Variants in MAF observed in about 807,000 individuals in gnomAD.
MAF encodes transcription factor Maf.
In MAF, 10 loss-of-function variants were observed where a neutral mutation model predicts 22.0. The ratio of observed to expected loss-of-function variants is 0.45; its 90% confidence interval spans 0.28 to 0.77. The LOEUF (loss-of-function observed/expected upper bound fraction) is 0.77. Among genes scored for constraint, MAF ranks in the 30% least tolerant of loss-of-function variants. MAF has a pLI of 0.12. For missense variants in MAF, 544 were observed against 548.4 expected (o/e 0.99, Z 0.08); for synonymous variants, 337 against 255.8 (o/e 1.32, Z -3.03).
chr16:79,229,731 G>A, the MAF span, among the ~76,000 whole-genome samples: 3 of 152,022 alleles, frequency 2.0e-5, no homozygotes, highest in Admixed American at 6.6e-5. Flanking sequence ...ACCGAGCAAA[G>A]CGCCTGCTGA....
At chr16:79,474,371 A>G in the MAF span, among the ~76,000 whole-genome samples, 7 of 152,192 alleles carry the variant, frequency 4.6e-5, no homozygotes, top group African/African-American at 1.7e-4. Flanking sequence ...GAATCCACAT[A>G]TTTCTATCCC....
the MAF span, among the ~76,000 whole-genome samples, chr16:79,281,676 G>C: frequency 1.3e-5 from 2 of 151,422 alleles, no homozygotes; most frequent in East Asian, 2.0e-4. Context: ...AGCCTCCTCA[G>C]TAGCTGGGAC....
the MAF span, among the ~76,000 whole-genome samples, chr16:79,564,882 C>T: frequency 6.6e-6 from 1 of 152,168 alleles, no homozygotes; most frequent in Non-Finnish European, 1.5e-5. Context: ...GCAAAACATT[C>T]CTTGCTCTTA....
At chr16:79,549,033 T>C in the MAF span, among the ~76,000 whole-genome samples, 1 of 152,318 alleles carries the variant, frequency 6.6e-6, no homozygotes, top group South Asian at 2.1e-4. Context: ...AGACAAACAC[T>C]GTTCCAGCCT....
the MAF span, among the ~76,000 whole-genome samples, chr16:79,518,085 G>A: frequency 6.6e-6 from 1 of 152,192 alleles, no homozygotes; most frequent in Admixed American, 6.5e-5. Flanking sequence ...AACCTTTGTA[G>A]ACATTAGTTT....
At chr16:79,564,121 G>A in the MAF span, among the ~76,000 whole-genome samples, 2 of 152,184 alleles carry the variant, frequency 1.3e-5, no homozygotes, top group African/African-American at 2.4e-5. Context: ...GCCCCTTCAG[G>A]CCTCCTGGGA....
At chr16:79,233,011 T>G in the MAF span, among the ~76,000 whole-genome samples, 1 of 151,604 alleles carries the variant, frequency 6.6e-6, no homozygotes, top group South Asian at 2.1e-4. Context: ...CGGCTAATGT[T>G]TTGTATTTTT....
the MAF span, among the ~76,000 whole-genome samples, chr16:79,349,712 ACT>A: frequency 6.6e-6 from 1 of 151,124 alleles, no homozygotes; most frequent in Non-Finnish European, 1.5e-5. Flanking sequence ...TCAGTTTAAA[ACT>A]CTCTCTTGCT....
chr16:79,228,246 A>G, the MAF span, among the ~76,000 whole-genome samples: 1 of 152,066 alleles, frequency 6.6e-6, no homozygotes, highest in Non-Finnish European at 1.5e-5. Context: ...TGACTTGTGT[A>G]ACAACTATTT....
chr16:79,386,700 A>T, the MAF span, among the ~76,000 whole-genome samples: 1 of 152,282 alleles, frequency 6.6e-6, no homozygotes, highest in Non-Finnish European at 1.5e-5. Context: ...TAGGGATAGG[A>T]AACAAAATGG....
At chr16:79,459,818 C>T in the MAF span, among the ~76,000 whole-genome samples, 1 of 152,142 alleles carries the variant, frequency 6.6e-6, no homozygotes, top group South Asian at 2.1e-4. Flanking sequence ...CCTGCCTTGG[C>T]CTCTTAACAT....
chr16:79,323,986 G>C, the MAF span, among the ~76,000 whole-genome samples: 1 of 152,136 alleles, frequency 6.6e-6, no homozygotes, highest in African/African-American at 2.4e-5. Context: ...CAGAGCGTAT[G>C]CATCTTCACA....
chr16:79,283,481 T>C, the MAF span, among the ~76,000 whole-genome samples: 46 of 152,232 alleles, frequency 3.0e-4, no homozygotes, highest in African/African-American at 1.1e-3. Context: ...GCTTAATTTG[T>C]AGTCCCAAAT....
the MAF span, among the ~76,000 whole-genome samples, chr16:79,387,383 A>G: frequency 6.6e-6 from 1 of 152,198 alleles, no homozygotes; most frequent in Non-Finnish European, 1.5e-5. Context: ...TACTAGCTAG[A>G]TGGAAATCCA....
At chr16:79,421,638 ATT>A in the MAF span, among the ~76,000 whole-genome samples, 2,128 of 144,684 alleles carry the variant, frequency 0.015, 47 homozygotes, top group African/African-American at 0.047. Flanking sequence ...AAGAAAAGTG[ATT>A]TTTTTTTTTT....
the MAF span, among the ~76,000 whole-genome samples, chr16:79,312,243 GCA>G: frequency 6.6e-6 from 1 of 152,132 alleles, no homozygotes; most frequent in East Asian, 1.9e-4. Context: ...GTCCCTGTCT[GCA>G]CAGAGTTTTG....
chr16:79,206,054 A>C, the MAF span: 1 of 152,172 alleles, frequency 6.6e-6, no homozygotes, highest in Non-Finnish European at 1.5e-5. Context: ...GGATCATCGA[A>C]GGGGGTGCTG....
the MAF span, among the ~76,000 whole-genome samples, chr16:79,368,992 C>T: frequency 3.3e-5 from 5 of 152,130 alleles, no homozygotes; most frequent in African/African-American, 9.7e-5. Flanking sequence ...GAACAGGCTC[C>T]GTGAGGGCAA....
At chr16:79,294,413 G>A in the MAF span, among the ~76,000 whole-genome samples, 513 of 152,200 alleles carry the variant, frequency 3.4e-3, 3 homozygotes, top group African/African-American at 0.012. Context: ...TCTTGACTAC[G>A]TGTGATCAAG....
Sources: allele counts gnomAD v4.1 joint callset (sites outside exome capture counted in the v4.1 genomes callset), GRCh38; gene constraint gnomAD v4.1.1; transcripts MANE v1.5; gene names NCBI Gene and HGNC (gene_info 2026-07-23, HGNC 2026-07-21).